Variants in PPP1R7 observed in about 807,000 individuals in gnomAD.
PPP1R7 encodes the protein protein phosphatase 1 regulatory subunit 22.
Under a neutral mutation model 45.2 loss-of-function variants are expected in PPP1R7, and 18 were observed. The observed-to-expected ratio is 0.40, with a 90% CI of 0.28 to 0.59. The LOEUF (loss-of-function observed/expected upper bound fraction) is 0.59. Ranked by LOEUF, PPP1R7 falls within the 20% of genes least tolerant of loss-of-function variation. The pLI is 0.46. For missense variants in PPP1R7, 314 were observed against 455.8 expected (o/e 0.69, Z 2.83); for synonymous variants, 181 against 183.4 (o/e 0.99, Z 0.11).
intron 3 of PPP1R7, among the ~76,000 whole-genome samples, 186 bp from the exon 4 acceptor site, chr2:241,158,298 A>C (rs575555985): frequency 2.0e-5 from 3 of 152,346 alleles, no homozygotes; most frequent in Non-Finnish European, 4.4e-5. Flanking sequence ...CCAGTTTTAC[A>C]TAAAACTTAG....
At chr2:241,152,765 A>G (rs1425744364) in intron 1 of PPP1R7, among the ~76,000 whole-genome samples, 1 of 152,242 alleles carries the variant, frequency 6.6e-6, no homozygotes, top group African/African-American at 2.4e-5. Context: ...AAGTTATAAA[A>G]AAGAAAAATG....
intron 1 of PPP1R7, among the ~76,000 whole-genome samples, chr2:241,150,790 C>T (rs2067257842): frequency 2.6e-5 from 4 of 152,186 alleles, no homozygotes; most frequent in African/African-American, 9.6e-5. Context: ...CGGCGCGAGG[C>T]CAGGCCGGGG....
intron 8 of PPP1R7, 130 bp from the exon 9 acceptor site, chr2:241,169,651 C>G (rs1277759777): frequency 2.8e-6 from 2 of 727,188 alleles, no homozygotes; most frequent in East Asian, 5.3e-5. Flanking sequence ...ATAGCATGCC[C>G]TTACCCTGTG....
upstream of PPP1R7, chr2:241,149,971 C>T (rs2067208108): frequency 4.2e-6 from 6 of 1,420,454 alleles, no homozygotes; most frequent in Non-Finnish European, 5.5e-6. Flanking sequence ...GTAAAATCCG[C>T]GCGGGGACGC....
intron 4 of PPP1R7, chr2:241,159,007 G>T (rs947740586): frequency 1.7e-6 from 1 of 587,686 alleles, no homozygotes; most frequent in Non-Finnish European, 2.9e-6. Context: ...TTGGGTTCCC[G>T]CCCTTCCTCA....
intron 2 of PPP1R7, among the ~76,000 whole-genome samples, chr2:241,153,874 G>A (rs549674554): frequency 3.4e-4 from 52 of 152,092 alleles, no homozygotes; most frequent in Admixed American, 8.5e-4. Flanking sequence ...CTAGTATGCC[G>A]TCTGAGACAG....
chr2:241,162,834 C>T (rs1004258890), intron 6 of PPP1R7, among the ~76,000 whole-genome samples: 11 of 152,086 alleles, frequency 7.2e-5, no homozygotes, highest in African/African-American at 2.4e-4. Flanking sequence ...AGGCACCCGC[C>T]GCCACGCCCA....
chr2:241,150,530 C>T lies in PPP1R7; in HGVS notation c.35C>T (p.Ser12Leu), dbSNP rs750997266. 3.8e-6 allele frequency: 6 copies of T among 1,597,808 alleles called. No homozygotes were observed. The highest frequency in any genetic ancestry group is 2.7e-5 in the African/African-American group (2 of 72,832). ...GAACGCGGCGCGGGGCAGCAACAGT[C>T]GCAGGAGATGATGGAGGGTGAGCGG... is the stretch of plus-strand genomic sequence containing the variant. ...AAERGAGQQQ[S>L]QEMMEVDRRV... Residue 12 changes from serine (S) to leucine (L), a missense_variant, in exon 1 of 10, where the codon TCG (serine) becomes TTG (leucine). Ser to Leu is a moderately radical substitution (Grantham distance 145, BLOSUM62 -2). Coordinates refer to ENST00000234038, the MANE Select transcript of PPP1R7 (RefSeq NM_002712.3).
At position 241,158,518 on chromosome 2, in the gene PPP1R7, T is replaced by C. The variant is rs1362846622; in HGVS notation, c.272T>C (p.Ile91Thr). The C allele has an allele frequency of 1.2e-6, 2 of 1,614,090 alleles. No homozygotes were observed. Among genetic ancestry groups the C allele is most frequent in the Non-Finnish European group, 1.7e-6 (2 of 1,179,930 alleles). ...TTGAATCACTATCGCATAGGGAAGATTGAAGGATTTGAGGTACTGAAGAAA... is the reference window on the plus strand; with the variant it reads ...TTGAATCACTATCGCATAGGGAAGACTGAAGGATTTGAGGTACTGAAGAAA... ...VDLNHYRIGK[I>T]EGFEVLKKVK... Residue 91 changes from isoleucine to threonine, a missense_variant, in exon 4 of 10, where the codon ATT becomes ACT. Coordinates refer to ENST00000234038, the MANE Select transcript of PPP1R7 (RefSeq NM_002712.3).
At chr2:241,169,578 G>A (rs564165615) in intron 8 of PPP1R7, among the ~76,000 whole-genome samples, 11 of 152,210 alleles carry the variant, frequency 7.2e-5, no homozygotes, top group South Asian at 2.1e-4. Context: ...TAGCTGGGCA[G>A]GCTCTGATGG....
rs143275703 is a variant in PPP1R7 at position 241,165,616 on chromosome 2, C to T, written c.715-721C>T. Among the ~76,000 whole-genome samples the T allele has an allele frequency of 6.8e-3, 1,034 of 152,030 alleles. 4 individuals are homozygous for T. Among genetic ancestry groups the T allele is most frequent in the African/African-American group, 0.023 (957 of 41,454 alleles). On this transcript the variant is annotated intron_variant, in intron 7 of 9. Transcript: ENST00000234038. Reference sequence around the variant, plus strand: ...GTTTGTTTGTTTGTTCGTTTTGAGACGGAGTCTCGCTCTGTCACCCAGGCT... The same window carrying T: ...GTTTGTTTGTTTGTTCGTTTTGAGATGGAGTCTCGCTCTGTCACCCAGGCT...
intron 7 of PPP1R7, 34 bp downstream of exon 7, chr2:241,163,435 G>T (rs753699205): frequency 2.7e-6 from 4 of 1,473,342 alleles, no homozygotes; most frequent in African/African-American, 1.4e-5. Flanking sequence ...TTCCCTGCGA[G>T]CCCTGGCAGG....
Position 241,160,384 on chromosome 2 carries a change from T to A in PPP1R7, c.487T>A (p.Leu163Met). 24 of 1,612,958 alleles carry A rather than the reference T, an allele frequency of 1.5e-5. No homozygotes were observed. The highest frequency in any genetic ancestry group is 2.0e-5 in the Non-Finnish European group (24 of 1,179,722). ...GAGAAACATCGAAGGGGTTGACAAG[T>A]TGACACGACTGAAAAAACTCTTCTT... Reference protein sequence around the residue: ...LLRNIEGVDKLTRLKKLFLVN... With the variant: ...LLRNIEGVDKMTRLKKLFLVN... Residue 163 changes from leucine to methionine, a missense_variant, in exon 6 of 10, where the codon TTG becomes ATG. Leu to Met is a conservative substitution (Grantham distance 15). Around this residue, in one of 3 missense-constraint regions of PPP1R7, gnomAD observed 168 missense variants for 285.3 expected, o/e 0.59. Coordinates refer to ENST00000234038, the MANE Select transcript of PPP1R7 (RefSeq NM_002712.3).
intron 8 of PPP1R7, 92 bp from the exon 9 acceptor site, chr2:241,169,681 ACCTGCAGC>A: frequency 3.2e-6 from 3 of 950,668 alleles, no homozygotes; most frequent in Non-Finnish European, 5.0e-6. Context: ...AGGGCAGTGC[ACCTGCAGC>A]CCTAAGGTCA....
intron 2 of PPP1R7, among the ~76,000 whole-genome samples, 160 bp from the exon 3 acceptor site, chr2:241,157,647 A>G (rs758147204): frequency 8.5e-5 from 13 of 152,256 alleles, no homozygotes; most frequent in Non-Finnish European, 1.3e-4. Context: ...TAACCCTGCC[A>G]CATTCTCCAG....
chr2:241,157,951 A>G (rs2125485595), intron 3 of PPP1R7, 89 bp downstream of exon 3: 10 of 1,405,748 alleles, frequency 7.1e-6, no homozygotes, highest in Non-Finnish European at 1.0e-5. Context: ...TTATTTCCCT[A>G]GAGAGGTGGC....
chr2:241,163,831 T>C (rs1575393817), intron 7 of PPP1R7, among the ~76,000 whole-genome samples: 1 of 152,138 alleles, frequency 6.6e-6, no homozygotes, highest in African/African-American at 2.4e-5. Flanking sequence ...CCTAGGCTGG[T>C]CTTGAACTCT....
chr2:241,149,798 G>A, upstream of PPP1R7: 1 of 1,533,960 alleles, frequency 6.5e-7, no homozygotes, highest in African/African-American at 1.4e-5. Flanking sequence ...GGCTCCGCAG[G>A]GTAGACGAAG....
At chr2:241,158,956 C>T (rs2067522193) in intron 4 of PPP1R7, 2 of 481,778 alleles carry the variant, frequency 4.2e-6, no homozygotes. Context: ...CCTCCCTCCC[C>T]AACTGGCCTG....
Sources: allele counts gnomAD v4.1 joint callset (sites outside exome capture counted in the v4.1 genomes callset), GRCh38; gene constraint gnomAD v4.1.1; regional missense constraint gnomAD v4.1.1; transcripts MANE v1.5; gene names NCBI Gene and HGNC (gene_info 2026-07-23, HGNC 2026-07-21).